Variants in CALN1 observed in about 807,000 individuals in gnomAD.
CALN1 encodes calcium-binding protein 8.
Under a neutral mutation model 30.6 loss-of-function variants are expected in CALN1, and 17 were observed. The ratio of observed to expected loss-of-function variants is 0.56; its 90% CI spans 0.38 to 0.83. The LOEUF is 0.83. Ranked by LOEUF, CALN1 falls within the 40% of genes least tolerant of loss-of-function variation. The pLI is 0.00. For missense variants in CALN1, 291 were observed against 354.9 expected, an observed-to-expected ratio of 0.82 and a Z score of 1.45; for synonymous variants, 156 against 131.4, an observed-to-expected ratio of 1.19 and a Z score of -1.28.
At chr7:72,426,019 T>C (rs1807789535) in intron 1 of CALN1, among the ~76,000 whole-genome samples, 1 of 152,242 alleles carries the variant, frequency 6.6e-6, no homozygotes, top group Non-Finnish European at 1.5e-5. Context: ...CTGCTGCCTC[T>C]GATTGGGAGG....
At chr7:71,952,688 C>T (rs1482374684) in intron 5 of CALN1, among the ~76,000 whole-genome samples, 6 of 152,068 alleles carry the variant, frequency 3.9e-5, no homozygotes, top group Admixed American at 6.5e-5. Context: ...ATTACAAGTA[C>T]GGCCATACGG....
chr7:72,111,487 T>A (rs971955404), intron 3 of CALN1, among the ~76,000 whole-genome samples: 3 of 152,174 alleles, frequency 2.0e-5, no homozygotes, highest in Non-Finnish European at 4.4e-5. Context: ...TGAGATAGTC[T>A]TGCTCTGTTG....
intron 2 of CALN1, among the ~76,000 whole-genome samples, chr7:72,324,086 C>A (rs1801095160): frequency 6.6e-6 from 1 of 151,910 alleles, no homozygotes; most frequent in African/African-American, 2.4e-5. Flanking sequence ...TTGGCACATC[C>A]CTTGGAGAAA....
intron 5 of CALN1, among the ~76,000 whole-genome samples, chr7:72,013,570 A>G (rs1244032667): frequency 6.6e-6 from 1 of 152,144 alleles, no homozygotes; most frequent in Non-Finnish European, 1.5e-5. Context: ...GATTTTGTTA[A>G]CTTTACTGAA....
intron 5 of CALN1, among the ~76,000 whole-genome samples, chr7:71,886,383 GC>G (rs1792910430): frequency 2.0e-5 from 3 of 152,210 alleles, no homozygotes; most frequent in African/African-American, 7.2e-5. Context: ...CCACTGCCAC[GC>G]CCCCTTAGCA....
intron 1 of CALN1, among the ~76,000 whole-genome samples, chr7:72,407,848 C>CAGATGTAGCCTCACGG (rs1396576761): frequency 5.3e-5 from 8 of 152,258 alleles, no homozygotes; most frequent in African/African-American, 1.9e-4. Flanking sequence ...GAATCCACCA[C>CAGATGTAGCCTCACGG]AGATGTAGCC....
Position 72,236,079 on chromosome 7 carries a change from CAA to C in CALN1, c.244+42605_244+42606del, listed in dbSNP as rs11299009. ...GGCAATATAATGAGCCCATTCTCCACAAAAAAAAAAAAAAAAGAAAGAAAGAA... is the reference window on the plus strand; with the variant it reads ...GGCAATATAATGAGCCCATTCTCCACAAAAAAAAAAAAAAGAAAGAAAGAA... On this transcript the variant is annotated intron_variant, in intron 3 of 6. Transcript: ENST00000395275. Among the ~76,000 whole-genome samples, 165 of 118,550 alleles carry C rather than the reference CAA, an allele frequency of 1.4e-3. 1 individual carries two copies. The Middle Eastern group carries it at 0.017, about 12-fold the overall frequency. The allele number at this position is 118,550 out of a possible 152,430, so 77.8% of individuals were successfully genotyped here. A position where few individuals can be genotyped will look rare whatever the true frequency, so the allele number is the denominator to read the frequency against.
chr7:72,182,230 T>G (rs1789864178), intron 3 of CALN1, among the ~76,000 whole-genome samples: 1 of 152,108 alleles, frequency 6.6e-6, no homozygotes, highest in Non-Finnish European at 1.5e-5. Context: ...CAACGCAGTG[T>G]GTCCTGTATC....
rs137895392 is a variant in CALN1, at chr7:72,434,377, C to T, written c.-226+12665G>A. Among the ~76,000 whole-genome samples the T allele has an allele frequency of 3.3e-3, 492 of 150,800 alleles. 1 individual carries two copies. The highest frequency in any genetic ancestry group is 0.011 in the African/African-American group (454 of 41,062). ...AAAAAAAAAAACAAAAAAAAAATAG[C>T]TGGGCGTACTGGCGGGCACCTGTAA... is the stretch of plus-strand genomic sequence containing the variant. On this transcript the variant is annotated intron_variant, in intron 1 of 6. Transcript: ENST00000395276.
chr7:71,979,042 G>A (rs1047268138), intron 5 of CALN1, among the ~76,000 whole-genome samples: 4 of 152,128 alleles, frequency 2.6e-5, no homozygotes, highest in African/African-American at 7.2e-5. Context: ...GCCCAGTATG[G>A]TAGAGATGAT....
At chr7:72,281,953 G>A (rs1004066322) in intron 2 of CALN1, among the ~76,000 whole-genome samples, 7 of 152,024 alleles carry the variant, frequency 4.6e-5, no homozygotes, top group African/African-American at 1.7e-4. Flanking sequence ...AAAAAAGGCA[G>A]CTTACAAAAT....
the CALN1 span, among the ~76,000 whole-genome samples, chr7:72,482,781 T>C: frequency 6.6e-6 from 1 of 152,276 alleles, no homozygotes; most frequent in Non-Finnish European, 1.5e-5. Flanking sequence ...TATATACTTA[T>C]GTAGTTACCA....
At chr7:71,825,943 G>A (rs542256224) in intron 5 of CALN1, among the ~76,000 whole-genome samples, 17 of 143,394 alleles carry the variant, frequency 1.2e-4, no homozygotes, top group African/African-American at 3.6e-4. Context: ...TGAGGCAGGA[G>A]AATTGCTTGA....
chr7:72,060,102 A>G (rs552273961), intron 4 of CALN1, among the ~76,000 whole-genome samples: 18 of 152,218 alleles, frequency 1.2e-4, no homozygotes, highest in African/African-American at 7.2e-5. Flanking sequence ...GGAAGCCTCT[A>G]GTTTTGGCTT....
chr7:72,498,098 T>C, the CALN1 span, among the ~76,000 whole-genome samples: 3 of 152,142 alleles, frequency 2.0e-5, no homozygotes, highest in East Asian at 1.9e-4. Flanking sequence ...AGAAAGGTTA[T>C]TGATTTAAAG....
intron 2 of CALN1, among the ~76,000 whole-genome samples, chr7:72,296,751 CTTTT>C (rs1165134529): frequency 6.6e-6 from 1 of 150,556 alleles, no homozygotes; most frequent in Non-Finnish European, 1.5e-5. Context: ...ATTCTTCTCT[CTTTT>C]TTTATTAGTC....
At chr7:71,802,978 C>T (rs577045913) in intron 6 of CALN1, among the ~76,000 whole-genome samples, 4 of 151,994 alleles carry the variant, frequency 2.6e-5, no homozygotes, top group Admixed American at 6.5e-5. Context: ...GAGCTGAGAT[C>T]GCGCCACTGC....
chr7:71,914,379 T>C (rs535298917), intron 5 of CALN1, among the ~76,000 whole-genome samples: 34 of 152,368 alleles, frequency 2.2e-4, no homozygotes, highest in African/African-American at 7.9e-4. Context: ...GCGAAGGACA[T>C]GATCTCATCC....
intron 4 of CALN1, among the ~76,000 whole-genome samples, chr7:72,099,883 T>C (rs987262451): frequency 6.6e-6 from 1 of 152,272 alleles, no homozygotes; most frequent in East Asian, 1.9e-4. Flanking sequence ...TCAGAAGTTC[T>C]GCTTTCAGCA....
Sources: gnomAD v4.1 joint callset for allele counts (sites outside exome capture counted in the v4.1 genomes callset) on GRCh38, gnomAD v4.1.1 for gene constraint, MANE v1.5 for transcripts, NCBI Gene and HGNC (gene_info 2026-07-23, HGNC 2026-07-21) for gene names.